Variants in DACH1 observed in about 807,000 individuals in gnomAD.
DACH1 encodes dachshund homolog 1.
Under a neutral mutation model 54.2 loss-of-function variants are expected in DACH1, and 12 were observed. The observed-to-expected ratio is 0.22, with a 90% CI of 0.14 to 0.36. The LOEUF (loss-of-function observed/expected upper bound fraction) is 0.36, where lower values mean the gene tolerates loss of function less well. Ranked by LOEUF, DACH1 falls within the 10% of genes least tolerant of loss-of-function variation. DACH1 has a pLI of 1.00. For missense variants in DACH1, 805 were observed against 929.8 expected (o/e 0.87, Z 1.75); for synonymous variants, 386 against 366.2 (o/e 1.05, Z -0.62).
At chr13:71,797,322 T>C (rs1710049988) in intron 1 of DACH1, among the ~76,000 whole-genome samples, 1 of 152,104 alleles carries the variant, frequency 6.6e-6, no homozygotes, top group Admixed American at 6.6e-5. Flanking sequence ...ACATTCCATG[T>C]GATGTGATCA....
chr13:71,579,702 G>A (rs549606397), intron 3 of DACH1, among the ~76,000 whole-genome samples: 9 of 152,032 alleles, frequency 5.9e-5, no homozygotes, highest in African/African-American at 1.4e-4. Context: ...TCCTTATGTC[G>A]TAGTAAATTT....
At chr13:71,471,156 G>A (rs1251106378) in intron 10 of DACH1, among the ~76,000 whole-genome samples, 2 of 152,150 alleles carry the variant, frequency 1.3e-5, no homozygotes, top group African/African-American at 4.8e-5. Flanking sequence ...GGAGCACAGA[G>A]ATTGGAGGGA....
chr13:71,440,531 A>C lies in DACH1; in HGVS notation c.*124T>G. The C allele has an allele frequency of 1.3e-6, 1 of 742,056 alleles. No homozygotes were observed. Among genetic ancestry groups the C allele is most frequent in the South Asian group, 1.8e-5 (1 of 56,862 alleles). 46.0% of individuals were successfully genotyped at this position (742,056 alleles called of 1,614,324 possible). On this transcript the variant is annotated 3_prime_UTR_variant, in exon 11 of 11. Coordinates refer to ENST00000613252, the MANE Select transcript of DACH1 (RefSeq NM_080759.6). The stretch of plus-strand genomic sequence containing the variant: ...TGTAGAATACTTAAACTTTTAAAGA[A>C]CATTAATACACAAAATTCAGGAAGT...
At chr13:71,449,819 CAAATAAG>C (rs1874853960) in intron 10 of DACH1, among the ~76,000 whole-genome samples, 1 of 147,562 alleles carries the variant, frequency 6.8e-6, no homozygotes, top group Non-Finnish European at 1.5e-5. Flanking sequence ...CAGTTCTCTT[CAAATAAG>C]AAAGTACATG....
intron 1 of DACH1, among the ~76,000 whole-genome samples, chr13:71,783,688 G>T (rs1310728737): frequency 1.3e-5 from 2 of 152,022 alleles, no homozygotes; most frequent in Non-Finnish European, 2.9e-5. Context: ...AGGAGTGATT[G>T]AAATTTAAAT....
rs1199520113 is a variant in DACH1 at position 71,443,894 on chromosome 13, TATGGCAGTACC to T, written c.2084-3213_2084-3203del. Among the ~76,000 whole-genome samples the T allele has an allele frequency of 4.6e-5, 7 of 152,316 alleles. No homozygotes were observed. The South Asian group carries it at 1.4e-3, about 32-fold the overall frequency. On this transcript the variant is annotated intron_variant, in intron 10 of 10. Coordinates refer to ENST00000613252, the MANE Select transcript of DACH1 (RefSeq NM_080759.6). ...GTAAAAATTTATTTCTAATTAAGGA[TATGGCAGTACC>T]ATGTTGACATATTGTGTAACATTTA...
intron 1 of DACH1, among the ~76,000 whole-genome samples, chr13:71,689,373 G>A (rs553311699): frequency 2.0e-5 from 3 of 152,238 alleles, no homozygotes; most frequent in African/African-American, 7.2e-5. Context: ...ACTGAGCAAT[G>A]TAAGAAATAA....
At chr13:71,623,494 A>T (rs1039921054) in intron 3 of DACH1, among the ~76,000 whole-genome samples, 1 of 151,866 alleles carries the variant, frequency 6.6e-6, no homozygotes, top group East Asian at 1.9e-4. Context: ...TTTTATATTC[A>T]AAATAAATAC....
At chr13:71,460,573 C>A (rs1931479) in intron 10 of DACH1, among the ~76,000 whole-genome samples, 152,029 of 152,072 alleles carry the variant, frequency 1, 75,994 homozygotes, top group Non-Finnish European at 1. Context: ...GGGCTTGACA[C>A]GGTTGTCTTG....
intron 1 of DACH1, among the ~76,000 whole-genome samples, chr13:71,839,295 C>T (rs1888925627): frequency 6.6e-6 from 1 of 152,012 alleles, no homozygotes; most frequent in East Asian, 1.9e-4. Context: ...CTTTGAAATC[C>T]ATCTAAAAAC....
chr13:71,580,675 T>C (rs1240242919), intron 3 of DACH1, among the ~76,000 whole-genome samples: 1 of 152,178 alleles, frequency 6.6e-6, no homozygotes, highest in Non-Finnish European at 1.5e-5. Flanking sequence ...TGATATTTTA[T>C]ATGTATGGAT....
At chr13:71,564,002 G>C (rs1214941712) in intron 4 of DACH1, among the ~76,000 whole-genome samples, 1 of 151,890 alleles carries the variant, frequency 6.6e-6, no homozygotes, top group Non-Finnish European at 1.5e-5. Flanking sequence ...TTTCATTAAA[G>C]TAAAATCCAT....
intron 1 of DACH1, among the ~76,000 whole-genome samples, chr13:71,783,423 C>T (rs1334744017): frequency 6.6e-6 from 1 of 152,014 alleles, no homozygotes; most frequent in Non-Finnish European, 1.5e-5. Context: ...ATCAAGATCC[C>T]CGCTTATGTT....
intron 2 of DACH1, among the ~76,000 whole-genome samples, chr13:71,674,440 T>TAC (rs57078245): frequency 0.018 from 2,537 of 141,076 alleles, 55 homozygotes; most frequent in East Asian, 0.082. Context: ...AGGGAGATTT[T>TAC]ACACACACAC....
chr13:71,507,922 A>G (rs533855958), intron 6 of DACH1, among the ~76,000 whole-genome samples: 1 of 152,266 alleles, frequency 6.6e-6, no homozygotes, highest in South Asian at 2.1e-4. Flanking sequence ...AAACATAAAA[A>G]TTCTATAAAT....
chr13:71,708,897 A>G lies in DACH1; in HGVS notation c.849-26987T>C, dbSNP rs549720944. Among the ~76,000 whole-genome samples, 409 of 143,776 alleles carry G rather than the reference A, an allele frequency of 2.8e-3. 2 individuals are homozygous for G. The highest frequency in any genetic ancestry group is 6.7e-3 in the Admixed American group (92 of 13,666). 94.3% of individuals were successfully genotyped at this position (143,776 alleles called of 152,430 possible). ...AGACGGAGTCTCGCTCTGTCGCCCA[A>G]GCTGGAGTGCAGTGGCGCGATCTCG... is the stretch of plus-strand genomic sequence containing the variant. On this transcript the variant is annotated intron_variant, in intron 1 of 10. Transcript: ENST00000613252.
intron 1 of DACH1, among the ~76,000 whole-genome samples, chr13:71,703,952 C>A (rs1434362428): frequency 1.3e-5 from 2 of 151,924 alleles, no homozygotes; most frequent in Admixed American, 6.6e-5. Flanking sequence ...TGAATACAGG[C>A]CTAAAATGAA....
intron 2 of DACH1, among the ~76,000 whole-genome samples, chr13:71,660,560 C>G (rs1454829860): frequency 2.0e-5 from 3 of 151,988 alleles, no homozygotes; most frequent in Non-Finnish European, 4.4e-5. Flanking sequence ...GTTATGAATT[C>G]AAATTCTCTG....
At chr13:71,552,784 TGG>T (rs1566335119) in intron 6 of DACH1, among the ~76,000 whole-genome samples, 10 of 95,202 alleles carry the variant, frequency 1.1e-4, no homozygotes, top group African/African-American at 3.7e-4. Flanking sequence ...TATATATATA[TGG>T]ATGTGAATAT....
Sources: gnomAD v4.1 joint callset for allele counts (sites outside exome capture counted in the v4.1 genomes callset) on GRCh38, gnomAD v4.1.1 for gene constraint, MANE v1.5 for transcripts, NCBI Gene and HGNC (gene_info 2026-07-23, HGNC 2026-07-21) for gene names.